The following ZSWIM6 variants were observed in gnomAD, a reference collection of about 807,000 sequenced individuals.
The protein encoded by ZSWIM6 is zinc finger SWIM domain-containing protein 6.
A neutral mutation model predicts 113.2 loss-of-function variants in ZSWIM6; 9 were observed. The observed-to-expected ratio is 0.08, with a 90% confidence interval of 0.05 to 0.14. The LOEUF (loss-of-function observed/expected upper bound fraction) is 0.14, where lower values mean the gene tolerates loss of function less well. Ranked by LOEUF, ZSWIM6 falls within the 10% of genes least tolerant of loss-of-function variation. The pLI is 1.00. For synonymous variants in ZSWIM6, 611 were observed against 606.5 expected, an observed-to-expected ratio of 1.01 and a Z score of -0.11; for missense variants, 1,162 against 1,552.2, an observed-to-expected ratio of 0.75 and a Z score of 4.22.
intron 4 of ZSWIM6, among the ~76,000 whole-genome samples, chr5:61,514,724 A>G (rs367666129): frequency 6.6e-6 from 1 of 152,004 alleles, no homozygotes; most frequent in East Asian, 1.9e-4. Flanking sequence ...GATAAACCCT[A>G]TGTTGTTGTG....
intron 2 of ZSWIM6, among the ~76,000 whole-genome samples, chr5:61,488,738 T>C (rs1381252320): frequency 6.6e-6 from 1 of 152,010 alleles, no homozygotes; most frequent in South Asian, 2.1e-4. Flanking sequence ...ACATCATTAA[T>C]TGCCTGAAAA....
At position 61,535,576 on chromosome 5, in the gene ZSWIM6, C is replaced by T. The variant is rs1266266379; in HGVS notation, c.2338C>T (p.His780Tyr). Reference protein sequence around the residue: ...AKYLFTSLLPHDAELAYKIAL... With the variant: ...AKYLFTSLLPYDAELAYKIAL... Reference sequence around the variant, plus strand: ...GTATCTCTTCACCTCTCTCCTACCTCACGATGCTGAATTGGCATACAAAAT... The same window carrying T: ...GTATCTCTTCACCTCTCTCCTACCTTACGATGCTGAATTGGCATACAAAAT... The change falls in exon 10 of 14, where the codon CAC (histidine) becomes TAC (tyrosine). Residue 780 changes from histidine (H) to tyrosine (Y), a missense_variant. Transcript: ENST00000252744. The T allele has an allele frequency of 1.3e-6, 2 of 1,551,390 alleles. No individual in the cohort carries two copies. The highest frequency in any genetic ancestry group is 2.4e-5 in the South Asian group (2 of 84,054).
Position 61,332,455 on chromosome 5 carries a change from G to A in ZSWIM6, c.183G>A (p.Ala61=). 1 of 1,036,370 alleles carries A rather than the reference G, an allele frequency of 9.6e-7. No homozygotes were observed. The highest frequency in any genetic ancestry group is 1.2e-6 in the Non-Finnish European group (1 of 863,888). The allele number at this position is 1,036,370 out of a possible 1,614,324, so 64.2% of individuals were successfully genotyped here. Residue 61 remains alanine (A), a synonymous_variant, in exon 1 of 14, where the codon GCG becomes GCA. Coordinates refer to ENST00000252744, the MANE Select transcript of ZSWIM6 (RefSeq NM_020928.2). ...CGGCGGCGGCGTGCGGGGGCGGCGC[G>A]GCGCTGGGGTTGCTGCCGCCGGGCA... ...AAAAAACGGG[A]ALGLLPPGKT...
intron 1 of ZSWIM6, among the ~76,000 whole-genome samples, chr5:61,333,242 A>G (rs2112015061): frequency 6.6e-6 from 1 of 151,170 alleles, no homozygotes; most frequent in African/African-American, 2.4e-5. Flanking sequence ...TCCTCCGGGG[A>G]GCACATCCTG....
chr5:61,481,482 C>T (rs2112199206), intron 2 of ZSWIM6, among the ~76,000 whole-genome samples: 1 of 152,066 alleles, frequency 6.6e-6, no homozygotes, highest in South Asian at 2.1e-4. Flanking sequence ...ACATTCTCTC[C>T]AAACAGAATT....
chr5:61,475,940 A>AAGTCTTGAAC, intron 2 of ZSWIM6, among the ~76,000 whole-genome samples: 1 of 152,276 alleles, frequency 6.6e-6, no homozygotes, highest in Non-Finnish European at 1.5e-5. Context: ...TTTGAGACAA[A>AAGTCTTGAAC]AGTCTTGAAC....
intron 1 of ZSWIM6, among the ~76,000 whole-genome samples, chr5:61,335,463 A>G (rs1744372254): frequency 6.6e-6 from 1 of 152,250 alleles, no homozygotes. Flanking sequence ...TTTATGGGGA[A>G]CAGAGAGAGG....
chr5:61,508,657 A>G (rs1748693859), intron 4 of ZSWIM6, among the ~76,000 whole-genome samples: 1 of 152,150 alleles, frequency 6.6e-6, no homozygotes, highest in Non-Finnish European at 1.5e-5. Context: ...TCCCTCCTCT[A>G]GAATCTGGGT....
At chr5:61,523,544 A>G (rs568009239) in intron 5 of ZSWIM6, among the ~76,000 whole-genome samples, 1 of 152,284 alleles carries the variant, frequency 6.6e-6, no homozygotes, top group East Asian at 1.9e-4. Flanking sequence ...TATTTTGTGT[A>G]CTTTATGAAA....
At chr5:61,368,146 C>T (rs988058266) in intron 1 of ZSWIM6, among the ~76,000 whole-genome samples, 1 of 152,074 alleles carries the variant, frequency 6.6e-6, no homozygotes, top group African/African-American at 2.4e-5. Flanking sequence ...AAGTTTCTAC[C>T]TACACGGTAG....
chr5:61,488,571 C>G (rs567099537), intron 2 of ZSWIM6, among the ~76,000 whole-genome samples: 1 of 152,104 alleles, frequency 6.6e-6, no homozygotes, highest in African/African-American at 2.4e-5. Context: ...TCTGTTTCTT[C>G]TAGGTTTTCT....
At chr5:61,365,372 A>G (rs1481321689) in intron 1 of ZSWIM6, among the ~76,000 whole-genome samples, 1 of 151,446 alleles carries the variant, frequency 6.6e-6, no homozygotes, top group Non-Finnish European at 1.5e-5. Context: ...AATTATATAT[A>G]TATATTTTAT....
chr5:61,373,974 T>C (rs1745318299), intron 1 of ZSWIM6, among the ~76,000 whole-genome samples: 1 of 152,264 alleles, frequency 6.6e-6, no homozygotes, highest in South Asian at 2.1e-4. Context: ...TTAGTGTTTA[T>C]GAACTGTAAA....
At chr5:61,485,271 G>A (rs760059588) in intron 2 of ZSWIM6, among the ~76,000 whole-genome samples, 1 of 152,076 alleles carries the variant, frequency 6.6e-6, no homozygotes. Context: ...TTCCTAAGAG[G>A]CCACTCATTT....
At chr5:61,534,735 G>A (rs970004882) in intron 9 of ZSWIM6, among the ~76,000 whole-genome samples, 28 of 152,162 alleles carry the variant, frequency 1.8e-4, no homozygotes, top group African/African-American at 6.5e-4. Flanking sequence ...CACAGGGGAA[G>A]TCAGCTCTGC....
intron 4 of ZSWIM6, among the ~76,000 whole-genome samples, chr5:61,514,007 A>G (rs1748864905): frequency 6.6e-6 from 1 of 152,128 alleles, no homozygotes; most frequent in South Asian, 2.1e-4. Context: ...TATGTAGAAT[A>G]TATAGATCAA....
chr5:61,456,456 A>G, intron 1 of ZSWIM6, among the ~76,000 whole-genome samples: 1 of 151,468 alleles, frequency 6.6e-6, no homozygotes, highest in East Asian at 1.9e-4. Flanking sequence ...CCCACCAAGG[A>G]AAAAAAAAGA....
intron 3 of ZSWIM6, among the ~76,000 whole-genome samples, chr5:61,493,373 C>T (rs189153300): frequency 4.3e-4 from 66 of 152,092 alleles, no homozygotes; most frequent in Non-Finnish European, 8.2e-4. Flanking sequence ...TGCACAACTG[C>T]GAATATACTA....
At chr5:61,356,741 A>ATATATATAT (rs1561205431) in intron 1 of ZSWIM6, among the ~76,000 whole-genome samples, 3 of 108,306 alleles carry the variant, frequency 2.8e-5, no homozygotes, top group African/African-American at 1.0e-4. Context: ...AATATATATT[A>ATATATATAT]TATATATATA....
Sources: gnomAD v4.1 joint callset for allele counts (sites outside exome capture counted in the v4.1 genomes callset) on GRCh38, gnomAD v4.1.1 for gene constraint, MANE v1.5 for transcripts, NCBI Gene and HGNC (gene_info 2026-07-23, HGNC 2026-07-21) for gene names.